The following MYT1L variants were observed in gnomAD, a reference collection of about 807,000 sequenced individuals.
MYT1L encodes myelin transcription factor 1-like protein.
MYT1L carries 12 observed loss-of-function variants against 126.7 expected under a neutral mutation model. The observed-to-expected ratio is 0.09, with a 90% confidence interval of 0.06 to 0.15. MYT1L has a LOEUF of 0.15. Ranked by LOEUF, MYT1L falls within the 10% of genes least tolerant of loss-of-function variation. MYT1L has a pLI of 1.00. For missense variants in MYT1L, 979 were observed against 1,585.2 expected (o/e 0.62, Z 6.49); for synonymous variants, 541 against 604.2 (o/e 0.90, Z 1.53).
chr2:2,235,111 G>C (rs1478828337), intron 2 of MYT1L, among the ~76,000 whole-genome samples: 1 of 152,212 alleles, frequency 6.6e-6, no homozygotes, highest in East Asian at 1.9e-4. Context: ...GGCAACCACA[G>C]GTTCTTCTTA....
At chr2:2,019,707 TCA>T (rs2064833456) in intron 4 of MYT1L, among the ~76,000 whole-genome samples, 1 of 152,200 alleles carries the variant, frequency 6.6e-6, no homozygotes, top group Non-Finnish European at 1.5e-5. Flanking sequence ...ACATGCAACC[TCA>T]CACACAGGCT....
Position 2,288,794 on chromosome 2 carries a change from G to A in MYT1L, c.-520-4291C>T, listed in dbSNP as rs1186451950. 2.6e-5 allele frequency among the ~76,000 whole-genome samples: 4 copies of A among 152,148 alleles called. No individual in the cohort carries two copies. In the South Asian group the frequency reaches 6.2e-4, roughly 24 times the overall value. ...TGAGCTACACTTTGGAATTTTATCA[G>A]ACTAGAGCCACATACACATGTTCAG... On this transcript the variant is annotated intron_variant, in intron 1 of 24. Coordinates refer to ENST00000647738, the MANE Select transcript of MYT1L (RefSeq NM_001303052.2).
chr2:1,946,390 A>G (rs1453410323), intron 8 of MYT1L, among the ~76,000 whole-genome samples: 1 of 152,164 alleles, frequency 6.6e-6, no homozygotes, highest in East Asian at 1.9e-4. Context: ...ACCATGGAAA[A>G]GCTGTCTTCC....
Position 1,949,822 on chromosome 2 carries a change from G to A in MYT1L, c.153-6488C>T, listed in dbSNP as rs148836743. Among the ~76,000 whole-genome samples the A allele has an allele frequency of 1.1e-3, 164 of 152,238 alleles. 1 individual carries two copies. Among genetic ancestry groups the A allele is most frequent in the Middle Eastern group, 3.4e-3 (1 of 294 alleles). On this transcript the variant is annotated intron_variant, in intron 8 of 24. Coordinates refer to ENST00000647738, the MANE Select transcript of MYT1L (RefSeq NM_001303052.2). ...GGAACGTCAGGGTGATTGACCAGTC[G>A]GCTCAGAGGCCTGACAGTGATTCCC...
intron 10 of MYT1L, among the ~76,000 whole-genome samples, chr2:1,918,062 A>G (rs1403187243): frequency 6.6e-6 from 1 of 152,152 alleles, no homozygotes; most frequent in East Asian, 1.9e-4. Context: ...GGCTCGTAGA[A>G]TGCCGTGCAT....
chr2:2,232,113 G>T (rs1417596126), intron 2 of MYT1L, among the ~76,000 whole-genome samples: 1 of 152,244 alleles, frequency 6.6e-6, no homozygotes, highest in East Asian at 1.9e-4. Flanking sequence ...GCAAGAAGAT[G>T]TAACTTGCTG....
intron 1 of MYT1L, among the ~76,000 whole-genome samples, chr2:2,319,005 C>G (rs1405577400): frequency 6.6e-6 from 1 of 152,206 alleles, no homozygotes; most frequent in Non-Finnish European, 1.5e-5. Context: ...GGAAATGTGG[C>G]AAATAGTCAT....
At chr2:1,835,296 A>T (rs983448042) in intron 21 of MYT1L, among the ~76,000 whole-genome samples, 2 of 152,242 alleles carry the variant, frequency 1.3e-5, no homozygotes, top group Non-Finnish European at 2.9e-5. Flanking sequence ...CACTTACATC[A>T]GCCTACAGCT....
chr2:2,255,952 C>G (rs2149250292), intron 2 of MYT1L, among the ~76,000 whole-genome samples: 1 of 152,312 alleles, frequency 6.6e-6, no homozygotes, highest in Admixed American at 6.5e-5. Context: ...AACAGCCTTG[C>G]TTTGCTCCCT....
intron 3 of MYT1L, among the ~76,000 whole-genome samples, chr2:2,088,367 G>A (rs2076565322): frequency 6.6e-6 from 1 of 152,340 alleles, no homozygotes; most frequent in East Asian, 1.9e-4. Flanking sequence ...GGAATTCAGT[G>A]AGGATTCCTA....
At chr2:2,009,211 A>G (rs2063592205) in intron 4 of MYT1L, among the ~76,000 whole-genome samples, 1 of 149,424 alleles carries the variant, frequency 6.7e-6, no homozygotes, top group African/African-American at 2.5e-5. Context: ...ACATTTTAGG[A>G]TATTTTCCCA....
chr2:2,257,772 G>C (rs1224919504), intron 2 of MYT1L, among the ~76,000 whole-genome samples: 2 of 151,080 alleles, frequency 1.3e-5, no homozygotes, highest in East Asian at 3.9e-4. Flanking sequence ...AACATTCCAT[G>C]CTCCTGGGTA....
chr2:2,244,049 A>G (rs1270791929), intron 2 of MYT1L, among the ~76,000 whole-genome samples: 1 of 152,210 alleles, frequency 6.6e-6, no homozygotes, highest in African/African-American at 2.4e-5. Context: ...TACTCACACA[A>G]TCCTGGAGAC....
intron 3 of MYT1L, among the ~76,000 whole-genome samples, chr2:2,107,697 T>G (rs918499854): frequency 1.1e-4 from 16 of 152,224 alleles, no homozygotes; most frequent in Middle Eastern, 3.4e-3. Context: ...GATTGTGCAC[T>G]AGTTTTCAAA....
At chr2:1,998,928 C>T (rs543381771) in intron 4 of MYT1L, among the ~76,000 whole-genome samples, 1 of 152,078 alleles carries the variant, frequency 6.6e-6, no homozygotes, top group Non-Finnish European at 1.5e-5. Flanking sequence ...AGAAAATGTT[C>T]GCACTGCCCT....
chr2:1,965,851 A>T (rs1193165379), intron 8 of MYT1L, among the ~76,000 whole-genome samples: 1 of 152,170 alleles, frequency 6.6e-6, no homozygotes, highest in African/African-American at 2.4e-5. Context: ...CGGACAAGGG[A>T]CTCAGGGAAA....
intron 20 of MYT1L, 85 bp from the exon 21 acceptor site, chr2:1,839,455 T>C (rs2148378823): frequency 2.4e-6 from 3 of 1,266,886 alleles, no homozygotes; most frequent in South Asian, 1.4e-5. Context: ...TAACCCGGCA[T>C]GAAGAAGAAA....
chr2:2,079,121 C>A (rs1044978993), intron 3 of MYT1L, among the ~76,000 whole-genome samples: 1 of 152,116 alleles, frequency 6.6e-6, no homozygotes, highest in East Asian at 1.9e-4. Flanking sequence ...CAGAACTGTG[C>A]AAAATACATT....
At chr2:2,174,853 A>ATC (rs2090532819) in intron 2 of MYT1L, among the ~76,000 whole-genome samples, 1 of 152,098 alleles carries the variant, frequency 6.6e-6, no homozygotes, top group Non-Finnish European at 1.5e-5. Flanking sequence ...GAGTGAATAA[A>ATC]TCTCTCTGAA....
Sources: gnomAD v4.1 joint callset for allele counts (sites outside exome capture counted in the v4.1 genomes callset) on GRCh38, gnomAD v4.1.1 for gene constraint, MANE v1.5 for transcripts, NCBI Gene and HGNC (gene_info 2026-07-23, HGNC 2026-07-21) for gene names.